Variants in GRIP1 observed in about 807,000 individuals in gnomAD.
The protein encoded by GRIP1 is glutamate receptor interacting protein 1.
A neutral mutation model predicts 129.9 loss-of-function variants in GRIP1; 45 were observed. The observed-to-expected ratio is 0.35, with a 90% CI of 0.27 to 0.44. The LOEUF is 0.44. Ranked by LOEUF, GRIP1 falls within the 20% of genes least tolerant of loss-of-function variation. The probability of loss-of-function intolerance (pLI) is 1.00; values close to 1 mark genes in which losing one functional copy is unlikely to be tolerated. For synonymous variants in GRIP1, 530 were observed against 520.8 expected (o/e 1.02, Z -0.24); for missense variants, 1,196 against 1,396.8 (o/e 0.86, Z 2.29).
intron 7 of GRIP1, among the ~76,000 whole-genome samples, chr12:66,476,076 A>C (rs1327214275): frequency 6.6e-6 from 1 of 152,222 alleles, no homozygotes; most frequent in Non-Finnish European, 1.5e-5. Context: ...CAATGAATCC[A>C]GGATCTGGTT....
intron 1 of GRIP1, among the ~76,000 whole-genome samples, chr12:66,883,117 T>C (rs913481122): frequency 6.6e-6 from 1 of 152,136 alleles, no homozygotes; most frequent in South Asian, 2.1e-4. Flanking sequence ...CAACAGCCCT[T>C]ATCACAGGAC....
At chr12:66,399,766 C>G (rs2056918698) in intron 16 of GRIP1, among the ~76,000 whole-genome samples, 1 of 151,898 alleles carries the variant, frequency 6.6e-6, no homozygotes, top group African/African-American at 2.4e-5. Context: ...AAATAGGAGG[C>G]TTGGATTTGG....
intron 1 of GRIP1, among the ~76,000 whole-genome samples, chr12:66,809,891 AG>A (rs1407650725): frequency 6.6e-6 from 1 of 152,132 alleles, no homozygotes; most frequent in Non-Finnish European, 1.5e-5. Context: ...CCGGAGCTCC[AG>A]CAATCTGCCC....
chr12:66,364,290 A>G (rs1358967541), intron 23 of GRIP1, among the ~76,000 whole-genome samples: 3 of 112,330 alleles, frequency 2.7e-5, no homozygotes, highest in Admixed American at 1.0e-4. Context: ...AAAAAAAAAA[A>G]GAAAGAAAGA....
At chr12:66,705,529 A>G (rs147254623) in intron 1 of GRIP1, among the ~76,000 whole-genome samples, 4 of 152,254 alleles carry the variant, frequency 2.6e-5, no homozygotes, top group Middle Eastern at 6.8e-3. Flanking sequence ...TACCACTGAC[A>G]TTCTTCACAG....
chr12:66,650,845 C>A (rs141292337), intron 1 of GRIP1, among the ~76,000 whole-genome samples: 213 of 152,296 alleles, frequency 1.4e-3, no homozygotes, highest in African/African-American at 3.6e-3. Context: ...GTTTAGGAGT[C>A]TGGCTCTGAC....
At chr12:66,606,801 T>A (rs1275724573) in intron 1 of GRIP1, among the ~76,000 whole-genome samples, 1 of 152,158 alleles carries the variant, frequency 6.6e-6, no homozygotes, top group African/African-American at 2.4e-5. Flanking sequence ...ACATTATCAG[T>A]ACTCACAACA....
intron 1 of GRIP1, among the ~76,000 whole-genome samples, chr12:67,024,609 G>A (rs2042914854): frequency 1.3e-5 from 2 of 152,060 alleles, no homozygotes; most frequent in Non-Finnish European, 2.9e-5. Context: ...CATCTTATTT[G>A]TGTTCTAAAT....
intron 1 of GRIP1, among the ~76,000 whole-genome samples, chr12:66,943,412 A>T (rs1419483834): frequency 6.6e-6 from 1 of 152,234 alleles, no homozygotes; most frequent in African/African-American, 2.4e-5. Context: ...GAGCAACTAC[A>T]GTGTATGTAA....
At chr12:66,760,404 T>C (rs2037436294) in intron 1 of GRIP1, among the ~76,000 whole-genome samples, 1 of 152,194 alleles carries the variant, frequency 6.6e-6, no homozygotes, top group South Asian at 2.1e-4. Context: ...AAAAGAGGTT[T>C]AATTGGATTT....
chr12:66,957,417 A>AATAT (rs60559996), intron 1 of GRIP1, among the ~76,000 whole-genome samples: 2,068 of 147,418 alleles, frequency 0.014, 28 homozygotes, highest in African/African-American at 0.033. Context: ...GCTTTAATCT[A>AATAT]ATATATATAT....
At chr12:66,602,932 C>T (rs1272041127) in intron 1 of GRIP1, among the ~76,000 whole-genome samples, 2 of 138,314 alleles carry the variant, frequency 1.4e-5, no homozygotes, top group Admixed American at 8.0e-5. Context: ...GATCGTGGCT[C>T]ACTGCAGCCT....
At chr12:66,619,715 T>C (rs1000213203) in intron 1 of GRIP1, among the ~76,000 whole-genome samples, 2 of 152,196 alleles carry the variant, frequency 1.3e-5, no homozygotes, top group African/African-American at 4.8e-5. Context: ...TGAGGGCAAT[T>C]ATGAAGCAAA....
chr12:66,580,933 AC>A (rs1288294011), intron 2 of GRIP1, among the ~76,000 whole-genome samples: 1 of 152,040 alleles, frequency 6.6e-6, no homozygotes, highest in Admixed American at 6.6e-5. Context: ...AGAACTCTCC[AC>A]CCCAAATCAA....
At chr12:66,604,476 A>G (rs1319811458) in intron 1 of GRIP1, among the ~76,000 whole-genome samples, 1 of 152,246 alleles carries the variant, frequency 6.6e-6, no homozygotes. Context: ...AAAATTTGTC[A>G]AGGGCTGGAA....
chr12:66,889,758 C>T (rs1264544949), intron 1 of GRIP1, among the ~76,000 whole-genome samples: 1 of 152,176 alleles, frequency 6.6e-6, no homozygotes, highest in African/African-American at 2.4e-5. Context: ...GTTAACTGTA[C>T]TAACCTGCTA....
chr12:66,581,775 C>A (rs868124273), intron 2 of GRIP1, among the ~76,000 whole-genome samples: 2 of 152,180 alleles, frequency 1.3e-5, no homozygotes, highest in Non-Finnish European at 2.9e-5. Flanking sequence ...AGCTTTCCAA[C>A]GAAAAAGAAT....
intron 1 of GRIP1, among the ~76,000 whole-genome samples, chr12:66,894,379 C>T (rs187679066): frequency 2.6e-5 from 4 of 152,252 alleles, no homozygotes; most frequent in African/African-American, 7.2e-5. Context: ...TTCTGGAGGC[C>T]CCATTCTCTT....
chr12:66,479,072 A>C (rs906978178), intron 7 of GRIP1, among the ~76,000 whole-genome samples: 35 of 147,334 alleles, frequency 2.4e-4, no homozygotes, highest in African/African-American at 7.8e-4. Flanking sequence ...AAAGAGAAAG[A>C]AACTGTAGCC....
Sources: allele counts gnomAD v4.1 joint callset (sites outside exome capture counted in the v4.1 genomes callset), GRCh38; gene constraint gnomAD v4.1.1; transcripts MANE v1.5; gene names NCBI Gene and HGNC (gene_info 2026-07-23, HGNC 2026-07-21).